Variants in CHIC2 observed in about 807,000 individuals in gnomAD.
CHIC2 encodes cysteine rich hydrophobic domain 2.
CHIC2 carries 14 observed loss-of-function variants against 25.9 expected under a neutral mutation model. That is an observed-to-expected ratio of 0.54 (90% CI 0.36 to 0.85). CHIC2 has a LOEUF of 0.85. Ranked by LOEUF, CHIC2 falls within the 40% of genes least tolerant of loss-of-function variation. CHIC2 has a pLI of 0.01. For missense variants in CHIC2, 146 were observed against 202.0 expected (o/e 0.72, Z 1.68); for synonymous variants, 70 against 72.0 (o/e 0.97, Z 0.14).
chr4:54,045,703 G>A (rs1716763181), intron 3 of CHIC2, among the ~76,000 whole-genome samples: 1 of 151,832 alleles, frequency 6.6e-6, no homozygotes, highest in Non-Finnish European at 1.5e-5. Flanking sequence ...ATACTGAATG[G>A]GCAAAAACTG....
Position 54,009,963 on chromosome 4 carries a change from A to C in CHIC2, c.*132T>G, listed in dbSNP as rs1282322039. The C allele has an allele frequency of 2.5e-5, 11 of 445,084 alleles. No homozygotes were observed. Among genetic ancestry groups the C allele is most frequent in the Admixed American group, 1.7e-4 (4 of 23,010 alleles). 27.6% of individuals were successfully genotyped at this position (445,084 alleles called of 1,614,324 possible). ...AGAACATGCGGTTATTTAAAAAAAAAACAAAAACAAAAACAAAAAAAACAC... is the reference window on the plus strand; with the variant it reads ...AGAACATGCGGTTATTTAAAAAAAACACAAAAACAAAAACAAAAAAAACAC... On this transcript the variant is annotated 3_prime_UTR_variant, in exon 6 of 6. Transcript: ENST00000263921.
At chr4:54,026,231 A>AT (rs879706771) in intron 3 of CHIC2, among the ~76,000 whole-genome samples, 36 of 152,122 alleles carry the variant, frequency 2.4e-4, no homozygotes, top group Admixed American at 1.2e-3. Flanking sequence ...CAAAAAAACA[A>AT]TTTTTTTGTT....
At chr4:54,070,207 A>G in the CHIC2 span, among the ~76,000 whole-genome samples, 3 of 152,186 alleles carry the variant, frequency 2.0e-5, no homozygotes, top group South Asian at 2.1e-4. Context: ...AATGAGGTAA[A>G]AAACAAAGCC....
intron 3 of CHIC2, among the ~76,000 whole-genome samples, chr4:54,037,467 T>G (rs1224817249): frequency 6.6e-6 from 1 of 152,178 alleles, no homozygotes; most frequent in Non-Finnish European, 1.5e-5. Flanking sequence ...AGAAAGCAGA[T>G]CAGCACTTGC....
At chr4:54,054,077 T>A (rs1223849466) in intron 1 of CHIC2, among the ~76,000 whole-genome samples, 2 of 152,206 alleles carry the variant, frequency 1.3e-5, no homozygotes, top group Non-Finnish European at 2.9e-5. Flanking sequence ...CGTGAGCCAC[T>A]ACACCCGGCA....
chr4:54,085,027 G>A, the CHIC2 span, among the ~76,000 whole-genome samples: 2 of 146,110 alleles, frequency 1.4e-5, no homozygotes, highest in African/African-American at 5.1e-5. Context: ...GCTAAACACT[G>A]AATTGATATA....
At chr4:54,090,144 A>G in the CHIC2 span, among the ~76,000 whole-genome samples, 52 of 152,070 alleles carry the variant, frequency 3.4e-4, no homozygotes, top group Non-Finnish European at 7.5e-4. Context: ...CTAATGAAGG[A>G]TACTCAATCT....
chr4:54,065,350 C>T, upstream of CHIC2: 1 of 981,302 alleles, frequency 1.0e-6, no homozygotes, highest in Non-Finnish European at 1.2e-6. Context: ...AACTCTCTCA[C>T]CAAACATAAC....
At chr4:54,059,771 G>T (rs1312745810) in intron 1 of CHIC2, 1 of 152,062 alleles carries the variant, frequency 6.6e-6, no homozygotes, top group Admixed American at 6.6e-5. Flanking sequence ...ATCCAAAGAT[G>T]TATACAATTA....
chr4:54,069,288 A>G (rs187173954), upstream of CHIC2, among the ~76,000 whole-genome samples: 77 of 152,276 alleles, frequency 5.1e-4, no homozygotes, highest in Non-Finnish European at 8.8e-4. Context: ...TTGGTCTCCA[A>G]AAAGTACTGA....
intron 3 of CHIC2, among the ~76,000 whole-genome samples, chr4:54,040,703 C>CAA (rs71200354): frequency 0.014 from 802 of 59,228 alleles, 12 homozygotes; most frequent in African/African-American, 0.029. Context: ...AACTCTGTCT[C>CAA]AAAAAAAAAA....
At chr4:54,017,004 C>T (rs369816944) in intron 3 of CHIC2, among the ~76,000 whole-genome samples, 63 of 151,808 alleles carry the variant, frequency 4.1e-4, no homozygotes, top group African/African-American at 1.4e-3. Flanking sequence ...AAATACAATA[C>T]CAATTTGGCA....
chr4:54,018,202 A>G (rs1361036866), intron 3 of CHIC2, among the ~76,000 whole-genome samples: 1 of 152,168 alleles, frequency 6.6e-6, no homozygotes, highest in African/African-American at 2.4e-5. Context: ...ATACCCAAAT[A>G]AGACATACCT....
chr4:54,046,919 C>G (rs563435343), intron 3 of CHIC2, among the ~76,000 whole-genome samples: 1 of 152,290 alleles, frequency 6.6e-6, no homozygotes, highest in East Asian at 1.9e-4. Flanking sequence ...GGGCTAATAT[C>G]CAGAATCTAC....
At chr4:54,033,650 G>A (rs1244895587) in intron 3 of CHIC2, among the ~76,000 whole-genome samples, 1 of 152,038 alleles carries the variant, frequency 6.6e-6, no homozygotes, top group Non-Finnish European at 1.5e-5. Flanking sequence ...AGTTTTATAG[G>A]TTTAGGTTTT....
Position 54,064,525 on chromosome 4 carries a change from G to C in CHIC2, c.-225C>G. On this transcript the variant is annotated 5_prime_UTR_variant, in exon 1 of 6. Transcript: ENST00000263921. The surrounding 1 kb of genome is among the most constrained non-coding windows in gnomAD (Gnocchi z 4.2). ...CCATCAGCAATAACAACAACACAAT[G>C]TCAACATCCGCCCAGAGGCCGACAC... 4 of 1,388,868 alleles carry C rather than the reference G, an allele frequency of 2.9e-6. No homozygotes were observed. The highest frequency in any genetic ancestry group is 1.6e-5 in the South Asian group (1 of 63,170). The allele number at this position is 1,388,868 out of a possible 1,614,324, so 86.0% of individuals were successfully genotyped here.
intron 1 of CHIC2, among the ~76,000 whole-genome samples, chr4:54,055,718 C>T (rs1717155443): frequency 6.6e-6 from 1 of 152,086 alleles, no homozygotes; most frequent in South Asian, 2.1e-4. Context: ...GCTCAATGAA[C>T]TCAAATTTTT....
At chr4:54,063,002 A>C (rs372492717) in intron 1 of CHIC2, among the ~76,000 whole-genome samples, 7 of 152,338 alleles carry the variant, frequency 4.6e-5, no homozygotes, top group African/African-American at 1.7e-4. Context: ...CCTGAACATA[A>C]ACTAACAGGT....
intron 1 of CHIC2, among the ~76,000 whole-genome samples, chr4:54,062,946 T>C (rs952273086): frequency 6.6e-6 from 1 of 152,232 alleles, no homozygotes; most frequent in Non-Finnish European, 1.5e-5. Flanking sequence ...TGTCTTGTCA[T>C]GGTGCTGTGA....
Sources: gnomAD v4.1 joint callset for allele counts (sites outside exome capture counted in the v4.1 genomes callset) on GRCh38, gnomAD v4.1.1 for gene constraint, Gnocchi (gnomAD v3.1) non-coding constraint, MANE v1.5 for transcripts, NCBI Gene and HGNC (gene_info 2026-07-23, HGNC 2026-07-21) for gene names.